The following OPRM1 variants were observed in gnomAD, a reference collection of about 807,000 sequenced individuals.
OPRM1 encodes mu-type opioid receptor.
OPRM1 carries 27 observed loss-of-function variants against 31.8 expected under a neutral mutation model. The observed-to-expected ratio is 0.85, with a 90% CI of 0.63 to 1.17. The LOEUF (loss-of-function observed/expected upper bound fraction) is 1.17. OPRM1 is among the 50% of genes most tolerant of loss of function. OPRM1 has a pLI of 0.00. For missense variants in OPRM1, 536 were observed against 511.1 expected (o/e 1.05, Z -0.47); for synonymous variants, 196 against 189.9 (o/e 1.03, Z -0.26).
rs923781869 is a variant in OPRM1 at position 154,132,060 on chromosome 6, TAGGAC to T, written c.*13344_*13348del. ...AAAGCTACTATTTCACATTTCCAGGTAGGACAGGATGATCAGATGCAGCTTTCAAA... is the reference window on the plus strand; with the variant it reads ...AAAGCTACTATTTCACATTTCCAGGTAGGATGATCAGATGCAGCTTTCAAA... On this transcript the variant is annotated 3_prime_UTR_variant, in exon 4 of 4. Transcript: ENST00000330432. Among the ~76,000 whole-genome samples the T allele has an allele frequency of 7.2e-5, 11 of 152,056 alleles. No individual in the cohort carries two copies. Among genetic ancestry groups the T allele is most frequent in the Admixed American group, 6.5e-4 (10 of 15,270 alleles).
chr6:154,010,688 C>T lies in OPRM1; in HGVS notation c.-331C>T, dbSNP rs528448025. 161 of 1,448,402 alleles carry T rather than the reference C, an allele frequency of 1.1e-4. No homozygotes were observed. In the African/African-American group the frequency reaches 1.2e-3, roughly 11 times the overall value. The allele number at this position is 1,448,402 out of a possible 1,614,324, so 89.7% of individuals were successfully genotyped here. A position where few individuals can be genotyped will look rare whatever the true frequency, so the allele number is the denominator to read the frequency against. On this transcript the variant is annotated 5_prime_UTR_variant, in exon 1 of 6. Coordinates refer to the OPRM1 transcript ENST00000434900. ...AGGAAAGCAAGCATGAAAAAGCAGC[C>T]GGGTCAGACAGGCTTCTGGATTCAG...
chr6:154,037,847 T>G (rs972537895), upstream of OPRM1, among the ~76,000 whole-genome samples: 21 of 152,096 alleles, frequency 1.4e-4, no homozygotes, highest in African/African-American at 4.3e-4. Context: ...ATAAAATGAT[T>G]GACTCCAAGG....
At chr6:154,105,329 A>T (rs904385635) in intron 3 of OPRM1, among the ~76,000 whole-genome samples, 20 of 152,218 alleles carry the variant, frequency 1.3e-4, no homozygotes, top group African/African-American at 4.8e-4. Flanking sequence ...AAAACAAAGG[A>T]TCAGCAATGT....
At chr6:154,013,311 A>G (rs1253012217) in intron 1 of OPRM1, among the ~76,000 whole-genome samples, 2 of 152,196 alleles carry the variant, frequency 1.3e-5, no homozygotes, top group African/African-American at 2.4e-5. Flanking sequence ...ATAAATAGCT[A>G]TGTTCATTTC....
intron 3 of OPRM1, chr6:154,214,418 T>A: frequency 1.4e-6 from 1 of 701,678 alleles, no homozygotes; most frequent in Admixed American, 2.2e-5. Flanking sequence ...GTTTGTGCCA[T>A]CGAAACCTAA....
rs528490695 is a variant in OPRM1 at position 154,235,226 on chromosome 6, A to G, written c.1165-11467A>G. On this transcript the variant is annotated intron_variant, in intron 3 of 3. Transcript: ENST00000337049. ...TTAAAATCAGGTGCATTCTCTTTGAATATTAGAGATTTAGAAGTAATAGGC... is the reference window on the plus strand; with the variant it reads ...TTAAAATCAGGTGCATTCTCTTTGAGTATTAGAGATTTAGAAGTAATAGGC... Among the ~76,000 whole-genome samples the G allele has an allele frequency of 2.6e-5, 4 of 152,362 alleles. No individual in the cohort carries two copies. In the South Asian group the frequency reaches 8.3e-4, roughly 32 times the overall value.
chr6:154,196,025 C>T (rs188176003), intron 3 of OPRM1, among the ~76,000 whole-genome samples: 16 of 151,680 alleles, frequency 1.1e-4, no homozygotes, highest in African/African-American at 3.1e-4. Context: ...CTCCTGACCT[C>T]GTGATCCGCC....
chr6:154,197,493 T>C (rs1776709712), intron 3 of OPRM1, among the ~76,000 whole-genome samples: 1 of 152,200 alleles, frequency 6.6e-6, no homozygotes, highest in African/African-American at 2.4e-5. Context: ...AATACTTTCA[T>C]TTTCTTTTCC....
intron 3 of OPRM1, among the ~76,000 whole-genome samples, chr6:154,150,352 G>C (rs1798466836): frequency 6.6e-6 from 1 of 152,206 alleles, no homozygotes; most frequent in African/African-American, 2.4e-5. Context: ...CCCAGGTGTT[G>C]TGTCCTGGTT....
intron 1 of OPRM1, among the ~76,000 whole-genome samples, chr6:154,055,339 G>C (rs1002396699): frequency 1.3e-5 from 2 of 152,034 alleles, no homozygotes; most frequent in African/African-American, 4.8e-5. Flanking sequence ...AGTGTGCCAA[G>C]ATGGTGCCAC....
chr6:154,181,588 T>C (rs544591770), intron 3 of OPRM1, among the ~76,000 whole-genome samples: 4 of 152,250 alleles, frequency 2.6e-5, no homozygotes, highest in Middle Eastern at 3.2e-3. Context: ...GTCACTGAGA[T>C]AGCAGTTGAC....
chr6:154,118,099 A>C (rs1797065103), intron 3 of OPRM1, among the ~76,000 whole-genome samples: 1 of 152,168 alleles, frequency 6.6e-6, no homozygotes, highest in Non-Finnish European at 1.5e-5. Flanking sequence ...CTCTTTTCTT[A>C]CCTGAAAATA....
chr6:154,129,712 G>T lies in OPRM1; in HGVS notation c.*10991G>T, dbSNP rs1158246124. 6.6e-6 allele frequency among the ~76,000 whole-genome samples: 1 copy of T among 152,076 alleles called. No homozygotes were observed. The highest frequency in any genetic ancestry group is 1.5e-5 in the Non-Finnish European group (1 of 68,012). On this transcript the variant is annotated 3_prime_UTR_variant, in exon 4 of 4. Transcript: ENST00000330432. ...TCAAGGTCTGATGAGCTCCCAGACTGTTGGGGATTGCTCTACAGCTGCTCA... is the reference window on the plus strand; with the variant it reads ...TCAAGGTCTGATGAGCTCCCAGACTTTTGGGGATTGCTCTACAGCTGCTCA...
intron 3 of OPRM1, among the ~76,000 whole-genome samples, chr6:154,196,139 T>C (rs1776609711): frequency 1.3e-5 from 2 of 152,148 alleles, no homozygotes; most frequent in East Asian, 1.9e-4. Flanking sequence ...TCAGCACATG[T>C]ATGTTAGGTA....
chr6:154,174,336 T>G (rs1357201364), intron 3 of OPRM1, among the ~76,000 whole-genome samples: 10 of 152,136 alleles, frequency 6.6e-5, no homozygotes, highest in Non-Finnish European at 1.2e-4. Context: ...TAACCTTAAA[T>G]GTAAATGGGC....
chr6:154,190,484 C>T (rs1481684648), intron 3 of OPRM1, among the ~76,000 whole-genome samples: 2 of 152,058 alleles, frequency 1.3e-5, no homozygotes, highest in Non-Finnish European at 2.9e-5. Context: ...ACTAGCATGG[C>T]GAAAATCCAA....
At chr6:154,070,483 TGAA>T (rs1227214691) in intron 1 of OPRM1, among the ~76,000 whole-genome samples, 1 of 152,330 alleles carries the variant, frequency 6.6e-6, no homozygotes, top group South Asian at 2.1e-4. Flanking sequence ...AAGGCTGTGA[TGAA>T]GATCAAGTAA....
rs1797373943 is a variant in OPRM1, at chr6:154,122,773, G to A, written c.*4052G>A. On this transcript the variant is annotated 3_prime_UTR_variant, in exon 4 of 4. Coordinates refer to ENST00000330432, the MANE Select transcript of OPRM1 (RefSeq NM_000914.5). ...AATACCATTCTTAAAGCAGTAGACA[G>A]ATGAGTCAAGTTCAATTTAATGCAA... Among the ~76,000 whole-genome samples, 2 of 152,178 alleles carry A rather than the reference G, an allele frequency of 1.3e-5. No individual in the cohort carries two copies. Among genetic ancestry groups the A allele is most frequent in the South Asian group, 4.1e-4 (2 of 4,828 alleles).
At chr6:154,100,141 ATAT>A (rs1794520003) in intron 3 of OPRM1, among the ~76,000 whole-genome samples, 1 of 91,306 alleles carries the variant, frequency 1.1e-5, no homozygotes, top group East Asian at 3.4e-4. Context: ...CATATAATAT[ATAT>A]TATCATATTA....
Sources: gnomAD v4.1 joint callset for allele counts (sites outside exome capture counted in the v4.1 genomes callset) on GRCh38, gnomAD v4.1.1 for gene constraint, MANE v1.5 for transcripts, NCBI Gene and HGNC (gene_info 2026-07-23, HGNC 2026-07-21) for gene names.